ANKDD1B: variants seen among roughly 807,000 people sequenced by gnomAD.
ANKDD1B encodes ankyrin repeat and death domain-containing protein 1B.
A neutral mutation model predicts 59.7 loss-of-function variants in ANKDD1B; 57 were observed. That is an observed-to-expected ratio of 0.95 (90% confidence interval 0.77 to 1.19). ANKDD1B has a LOEUF of 1.19. ANKDD1B is among the 50% of genes most tolerant of loss of function. The pLI is 0.00. For missense variants in ANKDD1B, 602 were observed against 641.9 expected (o/e 0.94, Z 0.67); for synonymous variants, 216 against 239.5 (o/e 0.90, Z 0.91).
At chr5:75,640,147 G>A (rs965472303) in intron 7 of ANKDD1B, among the ~76,000 whole-genome samples, 1 of 151,930 alleles carries the variant, frequency 6.6e-6, no homozygotes, top group Admixed American at 6.6e-5. Flanking sequence ...GGGCTCAGGT[G>A]ATCCTCTCAC....
rs528066769 is a variant in ANKDD1B at position 75,623,285 on chromosome 5, G to A, written c.397-2362G>A. On this transcript the variant is annotated intron_variant, in intron 3 of 13. Coordinates refer to ENST00000601380, the MANE Select transcript of ANKDD1B (RefSeq NM_001276713.2). Reference sequence around the variant, plus strand: ...TCTCCATGTTGGTCAGGTTGGTCTCGAACTCCTGACCACAGGTGATCCGCC... The same window carrying A: ...TCTCCATGTTGGTCAGGTTGGTCTCAAACTCCTGACCACAGGTGATCCGCC... Among the ~76,000 whole-genome samples, 14 of 152,022 alleles carry A rather than the reference G, an allele frequency of 9.2e-5. No individual in the cohort carries two copies. In the East Asian group the frequency reaches 1.6e-3, roughly 17 times the overall value.
intron 7 of ANKDD1B, among the ~76,000 whole-genome samples, chr5:75,640,204 CG>C (rs1774428509): frequency 6.6e-6 from 1 of 152,012 alleles, no homozygotes; most frequent in Non-Finnish European, 1.5e-5. Context: ...CCACCATACT[CG>C]GTTAATTTTT....
intron 3 of ANKDD1B, among the ~76,000 whole-genome samples, chr5:75,624,499 C>T (rs989996482): frequency 3.3e-5 from 5 of 152,180 alleles, no homozygotes; most frequent in Non-Finnish European, 7.3e-5. Context: ...CCACAGCATC[C>T]CTACAGGTCA....
chr5:75,664,309 A>T (rs1775250886), intron 11 of ANKDD1B, among the ~76,000 whole-genome samples: 1 of 152,162 alleles, frequency 6.6e-6, no homozygotes, highest in African/African-American at 2.4e-5. Flanking sequence ...CTTCTCTCTC[A>T]CAATCCTGTT....
intron 8 of ANKDD1B, among the ~76,000 whole-genome samples, chr5:75,655,260 G>C (rs1268389850): frequency 6.6e-6 from 1 of 152,210 alleles, no homozygotes; most frequent in Non-Finnish European, 1.5e-5. Flanking sequence ...CTGTGGCTGG[G>C]AAGACAGGTG....
Position 75,653,228 on chromosome 5 carries a change from C to A in ANKDD1B, c.885C>A (p.His295Gln). 6.5e-7 allele frequency: 1 copy of A among 1,535,824 alleles called. No individual in the cohort carries two copies. Among genetic ancestry groups the A allele is most frequent in the Non-Finnish European group, 8.7e-7 (1 of 1,146,668 alleles). The change falls in exon 8 of 14, where the codon CAC becomes CAA. Residue 295 changes from histidine to glutamine, a missense_variant. His to Gln is a conservative substitution (Grantham distance 24). This residue lies in a region of ANKDD1B where 280 missense variants were observed against 319.8 expected (regional missense o/e 0.88). Coordinates refer to ENST00000601380, the MANE Select transcript of ANKDD1B (RefSeq NM_001276713.2). Reference protein sequence around the residue: ...NFLLSENVDLHQKVEPKESPL... With the variant: ...NFLLSENVDLQQKVEPKESPL... ...TTCTCAGTGAGAACGTTGATCTGCACCAGAAAGTGGAAGTGAGTTTATTCC... is the reference window on the plus strand; with the variant it reads ...TTCTCAGTGAGAACGTTGATCTGCAACAGAAAGTGGAAGTGAGTTTATTCC...
chr5:75,667,639 T>C (rs898269862), intron 12 of ANKDD1B, among the ~76,000 whole-genome samples: 1 of 152,200 alleles, frequency 6.6e-6, no homozygotes, highest in Non-Finnish European at 1.5e-5. Flanking sequence ...GATTCCTTAA[T>C]TTTGTTTTTT....
At chr5:75,630,952 T>C (rs965914325) in intron 5 of ANKDD1B, among the ~76,000 whole-genome samples, 2 of 152,226 alleles carry the variant, frequency 1.3e-5, no homozygotes, top group Non-Finnish European at 1.5e-5. Flanking sequence ...TAAATGTTTA[T>C]ATATAAATCT....
At chr5:75,617,603 G>T (rs983140304) in intron 2 of ANKDD1B, among the ~76,000 whole-genome samples, 1 of 152,182 alleles carries the variant, frequency 6.6e-6, no homozygotes, top group Non-Finnish European at 1.5e-5. Context: ...GTGGTTCAAG[G>T]TGGGTGTGGC....
chr5:75,634,349 C>T (rs1413985389), intron 5 of ANKDD1B, among the ~76,000 whole-genome samples: 1 of 152,124 alleles, frequency 6.6e-6, no homozygotes, highest in Admixed American at 6.5e-5. Flanking sequence ...TTGACCTATT[C>T]TCAAGAGTTT....
In ANKDD1B at chr5:75,659,340, A is replaced by T; in HGVS notation, c.1054A>T (p.Thr352Ser). The T allele has an allele frequency of 6.5e-7, 1 of 1,536,000 alleles. No homozygotes were observed. Among genetic ancestry groups the T allele is most frequent in the Non-Finnish European group, 8.7e-7 (1 of 1,146,880 alleles). The stretch of plus-strand genomic sequence containing the variant: ...TCGTGGAAATGTGGAACTGGTGGAA[A>T]CCCTGCTGAAGGCAGGCTGTGACTT... ...ADRGNVELVE[T>S]LLKAGCDLKA... The change falls in exon 10 of 14, where the codon ACC (threonine) becomes TCC (serine). Residue 352 changes from threonine (T) to serine (S), a missense_variant. By Grantham distance (58) the Thr-to-Ser change is moderately conservative. Around this residue, in one of 3 missense-constraint regions of ANKDD1B, gnomAD observed 280 missense variants for 319.8 expected, o/e 0.88. Coordinates refer to ENST00000601380, the MANE Select transcript of ANKDD1B (RefSeq NM_001276713.2).
chr5:75,636,017 A>C, intron 7 of ANKDD1B, 135 bp downstream of exon 7: 1 of 540,368 alleles, frequency 1.9e-6, no homozygotes, highest in Non-Finnish European at 3.2e-6. Context: ...AAAGATTCTT[A>C]CTTTATTCTT....
At chr5:75,669,451 A>G in intron 13 of ANKDD1B, 68 bp downstream of exon 13, 2 of 1,207,678 alleles carry the variant, frequency 1.7e-6, no homozygotes, top group Non-Finnish European at 1.0e-6. Context: ...CTACAGAAAT[A>G]TCATCCTGAC....
At chr5:75,648,275 A>AAAAATT (rs1774710779) in intron 7 of ANKDD1B, among the ~76,000 whole-genome samples, 1 of 131,946 alleles carries the variant, frequency 7.6e-6, no homozygotes. Context: ...ATTAAAAAAA[A>AAAAATT]AAAAAAAAGA....
At chr5:75,631,677 G>A (rs1324123592) in intron 5 of ANKDD1B, among the ~76,000 whole-genome samples, 2 of 152,170 alleles carry the variant, frequency 1.3e-5, no homozygotes, top group Non-Finnish European at 2.9e-5. Context: ...CAGCTATGTG[G>A]ACCGTGTCAT....
chr5:75,659,201 C>T (rs1345702049), intron 9 of ANKDD1B, 82 bp from the exon 10 acceptor site: 8 of 974,692 alleles, frequency 8.2e-6, no homozygotes, highest in Non-Finnish European at 1.3e-5. Context: ...CTGTGTTTTC[C>T]CTTGAACCTA....
At chr5:75,647,260 TTAAAC>T (rs1774655048) in intron 7 of ANKDD1B, among the ~76,000 whole-genome samples, 2 of 116,242 alleles carry the variant, frequency 1.7e-5, no homozygotes, top group African/African-American at 5.6e-5. Flanking sequence ...TGGGATCTAA[TTAAAC>T]TAAAGAGCTT....
intron 5 of ANKDD1B, among the ~76,000 whole-genome samples, chr5:75,633,351 TACAG>T (rs1774216149): frequency 6.6e-6 from 1 of 152,232 alleles, no homozygotes; most frequent in South Asian, 2.1e-4. Context: ...CATGCATAAA[TACAG>T]ACCTCTGTAG....
chr5:75,617,898 C>T (rs1308916423), intron 2 of ANKDD1B, among the ~76,000 whole-genome samples: 2 of 152,026 alleles, frequency 1.3e-5, no homozygotes, highest in African/African-American at 2.4e-5. Flanking sequence ...TCATGTCCCA[C>T]GTGCAGTGGA....
Sources: gnomAD v4.1 joint callset for allele counts (sites outside exome capture counted in the v4.1 genomes callset) on GRCh38, gnomAD v4.1.1 for gene constraint, gnomAD v4.1.1 regional missense constraint, MANE v1.5 for transcripts, NCBI Gene and HGNC (gene_info 2026-07-23, HGNC 2026-07-21) for gene names.